SEPTIN11: variants seen among roughly 807,000 people sequenced by gnomAD.
The protein encoded by SEPTIN11 is septin 11, also known as septin-11.
In SEPTIN11, 25 loss-of-function variants were observed where a neutral mutation model predicts 51.4. That is an observed-to-expected ratio of 0.49 (90% CI 0.35 to 0.68). SEPTIN11 has a LOEUF of 0.68. Ranked by LOEUF, SEPTIN11 falls within the 30% of genes least tolerant of loss-of-function variation. SEPTIN11 has a pLI of 0.00. For synonymous variants in SEPTIN11, 174 were observed against 184.1 expected (o/e 0.95, Z 0.44); for missense variants, 381 against 520.8 (o/e 0.73, Z 2.61).
At chr4:77,020,444 G>C (rs928807362) in intron 6 of SEPTIN11, 58 bp from the exon 7 acceptor site, 8 of 1,569,594 alleles carry the variant, frequency 5.1e-6, no homozygotes, top group Non-Finnish European at 7.0e-6. Flanking sequence ...CATCACTGCA[G>C]ATATTTCAGT....
chr4:76,996,413 C>T lies in SEPTIN11; in HGVS notation c.28-12C>T, dbSNP rs752319634. The stretch of plus-strand genomic sequence containing the variant: ...TCATGGACACTCAAATCTTTCTCCC[C>T]TGAAATTGCAGAATGAAGAGCTTCG... On this transcript the variant is annotated splice_polypyrimidine_tract_variant and intron_variant, in intron 1 of 9. Transcript: ENST00000264893. 2 of 1,597,370 alleles carry T rather than the reference C, an allele frequency of 1.3e-6. No individual in the cohort carries two copies. The highest frequency in any genetic ancestry group is 8.6e-7 in the Non-Finnish European group (1 of 1,164,742).
At chr4:77,012,997 C>T (rs541946730) in intron 4 of SEPTIN11, among the ~76,000 whole-genome samples, 35 of 152,274 alleles carry the variant, frequency 2.3e-4, no homozygotes, top group South Asian at 8.3e-4. Flanking sequence ...GGAGAGATCA[C>T]GGGCAGTGAG....
At chr4:76,985,555 G>A (rs1722982171) in intron 1 of SEPTIN11, among the ~76,000 whole-genome samples, 1 of 152,218 alleles carries the variant, frequency 6.6e-6, no homozygotes. Flanking sequence ...GTAGGCTGTA[G>A]AGACAGAAAG....
At position 76,953,364 on chromosome 4, in the gene SEPTIN11, T is replaced by C. The variant is rs141001000; in HGVS notation, c.27+3434T>C. ...GTAAATCATTTAGGGAGAAAAGGAA[T>C]TATATGCCTATTGCTGACTCAGCAA... is the stretch of plus-strand genomic sequence containing the variant. On this transcript the variant is annotated intron_variant, in intron 1 of 9. Transcript: ENST00000264893. Among the ~76,000 whole-genome samples the C allele has an allele frequency of 1.8e-3, 272 of 152,334 alleles. 1 individual carries two copies. The highest frequency in any genetic ancestry group is 6.2e-3 in the African/African-American group (258 of 41,574).
At position 76,986,912 on chromosome 4, in the gene SEPTIN11, G is replaced by A. The variant is rs139080113; in HGVS notation, c.28-9513G>A. On this transcript the variant is annotated intron_variant, in intron 1 of 9. Transcript: ENST00000264893. ...GTTACAGAAACAAAACAATTAAAAGGTAACATTTCCCGAAAATCTTACCAG... is the reference window on the plus strand; with the variant it reads ...GTTACAGAAACAAAACAATTAAAAGATAACATTTCCCGAAAATCTTACCAG... 2.6e-3 allele frequency among the ~76,000 whole-genome samples: 394 copies of A among 151,940 alleles called. 2 individuals are homozygous for A. The highest frequency in any genetic ancestry group is 9.2e-3 in the African/African-American group (381 of 41,416).
In SEPTIN11 at chr4:77,024,002, C is replaced by T. The variant is rs1725925053; in HGVS notation, c.953+3332C>T. ...TGGGTGTGCAGTGAAGTTCATCCTT[C>T]CCAGTGAGCACCCTCGTTCACCTTT... On this transcript the variant is annotated intron_variant, in intron 7 of 9. Coordinates refer to ENST00000264893, the MANE Select transcript of SEPTIN11 (RefSeq NM_018243.4). The surrounding 1 kb of genome is among the most constrained non-coding windows in gnomAD (Gnocchi z 4.2). Among the ~76,000 whole-genome samples the T allele has an allele frequency of 6.6e-6, 1 of 152,196 alleles. No homozygotes were observed. The highest frequency in any genetic ancestry group is 1.5e-5 in the Non-Finnish European group (1 of 68,040).
At chr4:77,015,114 C>A in intron 5 of SEPTIN11, 97 bp downstream of exon 5, 1 of 1,187,048 alleles carries the variant, frequency 8.4e-7, no homozygotes, top group Non-Finnish European at 1.2e-6. Context: ...TGACTAGGAA[C>A]CTGATGACTT....
intron 7 of SEPTIN11, 188 bp downstream of exon 7, chr4:77,020,858 T>C: frequency 1.7e-6 from 1 of 581,868 alleles, no homozygotes; most frequent in Non-Finnish European, 3.0e-6. Context: ...ACTTACCTAG[T>C]TGATGTCATT....
At chr4:76,999,379 A>G (rs971286027) in intron 2 of SEPTIN11, among the ~76,000 whole-genome samples, 5 of 152,238 alleles carry the variant, frequency 3.3e-5, no homozygotes, top group African/African-American at 4.8e-5. Context: ...ACGGCCTCGT[A>G]GAGGAGGAGG....
chr4:77,000,720 T>C (rs776752558), intron 2 of SEPTIN11, among the ~76,000 whole-genome samples: 1 of 152,196 alleles, frequency 6.6e-6, no homozygotes, highest in East Asian at 1.9e-4. Flanking sequence ...ATTTGGTGTA[T>C]GTAGTGGTCT....
At chr4:77,033,250 C>T (rs1726796254) in intron 9 of SEPTIN11, among the ~76,000 whole-genome samples, 1 of 152,050 alleles carries the variant, frequency 6.6e-6, no homozygotes, top group African/African-American at 2.4e-5. Context: ...CTAGACAGAG[C>T]AGCACTTTGA....
chr4:77,025,245 A>G (rs900652152), intron 7 of SEPTIN11, among the ~76,000 whole-genome samples: 2 of 152,234 alleles, frequency 1.3e-5, no homozygotes, highest in African/African-American at 4.8e-5. Flanking sequence ...TGCAAAAGAT[A>G]CCACTAAAGG....
chr4:76,949,949 C>CCTG lies in SEPTIN11; in HGVS notation c.27+25_27+27dup. On this transcript the variant is annotated intron_variant, in intron 1 of 9. Transcript: ENST00000264893. ...ACCGTCTGTGAGTGCTGGGGCCTCG[C>CCTG]CTGCTGCTCCTCGGGCGCCGGGTGG... is the stretch of plus-strand genomic sequence containing the variant. 1 of 1,464,036 alleles carries CCTG rather than the reference C, an allele frequency of 6.8e-7. No homozygotes were observed. Among genetic ancestry groups the CCTG allele is most frequent in the South Asian group, 1.4e-5 (1 of 72,612 alleles). 90.7% of individuals were successfully genotyped at this position (1,464,036 alleles called of 1,614,324 possible).
intron 8 of SEPTIN11, among the ~76,000 whole-genome samples, chr4:77,029,552 T>G (rs1726441404): frequency 6.6e-6 from 1 of 152,208 alleles, no homozygotes; most frequent in Non-Finnish European, 1.5e-5. Context: ...ATGGTTTTGC[T>G]GCAGAGAAAG....
Position 77,030,935 on chromosome 4 carries a change from G to A in SEPTIN11, c.1239G>A (p.Gly413=). The change falls in exon 9 of 10, where the codon GGG becomes GGA. Residue 413 remains glycine, a synonymous_variant. Coordinates refer to ENST00000264893, the MANE Select transcript of SEPTIN11 (RefSeq NM_018243.4). ...QLLQSQAQQS[G]AQQTKKDKDK... ...TACAGTCCCAGGCCCAGCAATCTGG[G>A]GCCCAGCAAACCAAGAAAGACAAGG... 9 of 1,606,200 alleles carry A rather than the reference G, an allele frequency of 5.6e-6. No individual in the cohort carries two copies. The highest frequency in any genetic ancestry group is 7.6e-6 in the Non-Finnish European group (9 of 1,178,404).
chr4:77,039,420 C>T, downstream of SEPTIN11: 1 of 1,040,272 alleles, frequency 9.6e-7, no homozygotes. Context: ...GTTCTTGAAG[C>T]TGCTGATCCA....
Position 76,984,189 on chromosome 4 carries a change from A to C in SEPTIN11, c.28-12236A>C, listed in dbSNP as rs2109919237. Among the ~76,000 whole-genome samples the C allele has an allele frequency of 6.6e-6, 1 of 152,292 alleles. No individual in the cohort carries two copies. Among genetic ancestry groups the C allele is most frequent in the Non-Finnish European group, 1.5e-5 (1 of 68,030 alleles). On this transcript the variant is annotated intron_variant, in intron 1 of 9. Transcript: ENST00000264893. This position sits in a 1 kb window ranked among gnomAD's most constrained non-coding sequence, Gnocchi z 4.1. ...AATTTTCAGGTGCTGGAAATGTGTC[A>C]CTGGACTCAGATGTTCTAGGTCAGC...
At chr4:76,964,533 C>T (rs1721954373) in intron 1 of SEPTIN11, among the ~76,000 whole-genome samples, 1 of 152,022 alleles carries the variant, frequency 6.6e-6, no homozygotes, top group Non-Finnish European at 1.5e-5. Flanking sequence ...GAGAGATACT[C>T]GAGGATCTTC....
At chr4:76,960,865 G>A (rs1721799446) in intron 1 of SEPTIN11, among the ~76,000 whole-genome samples, 1 of 152,162 alleles carries the variant, frequency 6.6e-6, no homozygotes. Context: ...TTGTCACTAA[G>A]GTTCAAAATT....
Sources: allele counts gnomAD v4.1 joint callset (sites outside exome capture counted in the v4.1 genomes callset), GRCh38; gene constraint gnomAD v4.1.1; non-coding constraint Gnocchi (gnomAD v3.1); transcripts MANE v1.5; gene names NCBI Gene and HGNC (gene_info 2026-07-23, HGNC 2026-07-21).